Variants in ART3 observed in about 807,000 individuals in gnomAD.
ART3 encodes the protein ecto-ADP-ribosyltransferase 3.
A neutral mutation model predicts 48.5 loss-of-function variants in ART3; 49 were observed. The ratio of observed to expected loss-of-function variants is 1.01; its 90% CI spans 0.80 to 1.28. The LOEUF is 1.28. Among genes scored for constraint, ART3 ranks in the 50% most tolerant of loss-of-function variants. The pLI is 0.00. For missense variants in ART3, 438 were observed against 454.3 expected (o/e 0.96, Z 0.33); for synonymous variants, 145 against 157.2 (o/e 0.92, Z 0.58).
intron 1 of ART3, chr4:76,023,612 G>T: frequency 1.9e-6 from 1 of 529,760 alleles, no homozygotes. Context: ...TGTTCCTGGG[G>T]AAGTCCCATG....
intron 1 of ART3, among the ~76,000 whole-genome samples, chr4:76,046,189 T>C (rs1288488701): frequency 6.6e-6 from 1 of 151,924 alleles, no homozygotes; most frequent in Non-Finnish European, 1.5e-5. Flanking sequence ...AGACCATCTG[T>C]GTAAGTTGGG....
intron 1 of ART3, among the ~76,000 whole-genome samples, chr4:76,028,910 G>A (rs1449206170): frequency 6.6e-6 from 1 of 152,134 alleles, no homozygotes; most frequent in Non-Finnish European, 1.5e-5. Flanking sequence ...CTGAACTCGC[G>A]CACTTGAGAG....
intron 1 of ART3, among the ~76,000 whole-genome samples, chr4:76,066,805 T>C (rs1019660248): frequency 5.3e-5 from 8 of 152,180 alleles, no homozygotes; most frequent in Non-Finnish European, 1.2e-4. Context: ...CACGTGGGAC[T>C]CTGCCTCCTA....
At chr4:76,108,725 T>C (rs1297720786) in intron 11 of ART3, among the ~76,000 whole-genome samples, 2 of 152,142 alleles carry the variant, frequency 1.3e-5, no homozygotes, top group East Asian at 1.9e-4. Flanking sequence ...GCAAACATCA[T>C]AGTGTGTACT....
intron 2 of ART3, among the ~76,000 whole-genome samples, chr4:76,077,911 A>G (rs1269276621): frequency 6.6e-6 from 1 of 152,164 alleles, no homozygotes; most frequent in South Asian, 2.1e-4. Flanking sequence ...ATGAAGTGGT[A>G]TTTCATTGTG....
intron 5 of ART3, 25 bp downstream of exon 5, chr4:76,099,012 A>G (rs914952748): frequency 5.6e-6 from 9 of 1,600,686 alleles, no homozygotes; most frequent in Admixed American, 1.7e-5. Flanking sequence ...ATTTTTAAAA[A>G]TAATCTTGGT....
intron 2 of ART3, among the ~76,000 whole-genome samples, chr4:76,078,879 G>A (rs1721750476): frequency 6.6e-6 from 1 of 152,152 alleles, no homozygotes; most frequent in South Asian, 2.1e-4. Flanking sequence ...GGGAGATCGA[G>A]ACCATCCTGG....
At chr4:76,084,623 T>A (rs1180741980) in intron 3 of ART3, among the ~76,000 whole-genome samples, 1 of 152,190 alleles carries the variant, frequency 6.6e-6, no homozygotes, top group Non-Finnish European at 1.5e-5. Flanking sequence ...TGCCTTAGTG[T>A]GTGTGAGCAA....
At chr4:76,059,628 G>T (rs1013198678) in intron 1 of ART3, among the ~76,000 whole-genome samples, 2 of 152,108 alleles carry the variant, frequency 1.3e-5, no homozygotes, top group African/African-American at 2.4e-5. Context: ...AAAGGAAAAA[G>T]AAATGTCCTT....
chr4:76,079,949 G>GTTTTTA, intron 2 of ART3, among the ~76,000 whole-genome samples: 1 of 151,348 alleles, frequency 6.6e-6, no homozygotes, highest in Non-Finnish European at 1.5e-5. Flanking sequence ...GAGAGAGAGA[G>GTTTTTA]AGTTTTTAAG....
chr4:76,105,578 G>A, intron 10 of ART3: 1 of 1,286,868 alleles, frequency 7.8e-7, no homozygotes, highest in Non-Finnish European at 1.0e-6. Flanking sequence ...TATTGGGGGT[G>A]GAGGCACCAT....
At chr4:76,045,976 C>T (rs1735463555) in intron 1 of ART3, among the ~76,000 whole-genome samples, 3 of 152,026 alleles carry the variant, frequency 2.0e-5, no homozygotes, top group South Asian at 2.1e-4. Context: ...GCTGGGCCTT[C>T]GACCTAGACA....
At chr4:76,027,383 A>G (rs1366495297) in intron 1 of ART3, among the ~76,000 whole-genome samples, 1 of 152,248 alleles carries the variant, frequency 6.6e-6, no homozygotes, top group Non-Finnish European at 1.5e-5. Flanking sequence ...TCCTTCAGAA[A>G]AAAAGACCTC....
At chr4:76,019,744 G>A (rs1056138491) in intron 1 of ART3, among the ~76,000 whole-genome samples, 3 of 151,194 alleles carry the variant, frequency 2.0e-5, no homozygotes, top group East Asian at 2.0e-4. Flanking sequence ...GTGAGCCACC[G>A]CGCCCGGCCA....
intron 2 of ART3, 132 bp from the exon 3 acceptor site, chr4:76,081,692 C>T: frequency 1.2e-6 from 1 of 832,190 alleles, no homozygotes. Context: ...TGCATAAAAA[C>T]CTACCCAAAA....
intron 1 of ART3, chr4:76,021,697 A>G: frequency 1.8e-6 from 1 of 547,242 alleles, no homozygotes; most frequent in South Asian, 2.6e-5. Flanking sequence ...TAGAGCTTAC[A>G]TTATAGTGCC....
At chr4:76,103,381 A>G (rs12510869) in intron 8 of ART3, among the ~76,000 whole-genome samples, 31,201 of 151,874 alleles carry the variant, frequency 0.21, 3,878 homozygotes, top group African/African-American at 0.32. Flanking sequence ...AAAAAAAAAT[A>G]TTACTGAGCC....
intron 3 of ART3, 110 bp from the exon 4 acceptor site, chr4:76,097,534 T>G (rs1726280458): frequency 1.1e-6 from 1 of 897,354 alleles, no homozygotes; most frequent in South Asian, 1.7e-5. Context: ...TAATTATGAG[T>G]CTGATAAACC....
intron 1 of ART3, among the ~76,000 whole-genome samples, chr4:76,029,310 TCTA>T (rs1476803798): frequency 2.0e-5 from 3 of 152,146 alleles, no homozygotes; most frequent in African/African-American, 7.2e-5. Context: ...TTATATAGAG[TCTA>T]TAATTCACGT....
Sources: allele counts gnomAD v4.1 joint callset (sites outside exome capture counted in the v4.1 genomes callset), GRCh38; gene constraint gnomAD v4.1.1; transcripts MANE v1.5; gene names NCBI Gene and HGNC (gene_info 2026-07-23, HGNC 2026-07-21).